The following PRUNE2 variants were observed in gnomAD, a reference collection of about 807,000 sequenced individuals.
PRUNE2 encodes protein prune homolog 2.
In PRUNE2, 164 loss-of-function variants were observed where a neutral mutation model predicts 252.0. That is an observed-to-expected ratio of 0.65 (90% CI 0.57 to 0.74). The LOEUF (loss-of-function observed/expected upper bound fraction) is 0.74, where lower values mean the gene tolerates loss of function less well. Among genes scored for constraint, PRUNE2 ranks in the 30% least tolerant of loss-of-function variants. The pLI is 0.00. For synonymous variants in PRUNE2, 1,292 were observed against 1,350.2 expected, an observed-to-expected ratio of 0.96 and a Z score of 0.94; for missense variants, 3,495 against 3,711.0, an observed-to-expected ratio of 0.94 and a Z score of 1.51.
chr9:76,866,307 A>C (rs2060836044), intron 1 of PRUNE2, among the ~76,000 whole-genome samples: 1 of 152,276 alleles, frequency 6.6e-6, no homozygotes, highest in Non-Finnish European at 1.5e-5. Context: ...TGATTTCAAG[A>C]CAAAAACTAT....
intron 9 of PRUNE2, among the ~76,000 whole-genome samples, chr9:76,679,342 A>G (rs2043171707): frequency 6.6e-6 from 1 of 152,204 alleles, no homozygotes; most frequent in African/African-American, 2.4e-5. Context: ...TTTTGAAAAA[A>G]TAGGAAAATC....
intron 12 of PRUNE2, among the ~76,000 whole-genome samples, chr9:76,640,701 A>C (rs1842217369): frequency 6.6e-6 from 1 of 152,200 alleles, no homozygotes; most frequent in Non-Finnish European, 1.5e-5. Context: ...TTCATTTCTG[A>C]AGATGCATAA....
chr9:76,794,342 C>G (rs904062193), intron 6 of PRUNE2, among the ~76,000 whole-genome samples: 2 of 152,142 alleles, frequency 1.3e-5, no homozygotes, highest in Admixed American at 1.3e-4. Flanking sequence ...TCCGAGCGAG[C>G]GCGGTCGCTC....
Position 76,654,283 on chromosome 9 carries a change from C to T in PRUNE2, c.8356+1140G>A, listed in dbSNP as rs1462751556. 7.9e-5 allele frequency among the ~76,000 whole-genome samples: 12 copies of T among 152,348 alleles called. No homozygotes were observed. The East Asian group carries it at 1.9e-3, about 24-fold the overall frequency. ...TGGCATACCCTTCAACTCTGGAATT[C>T]TGGCTCTGGCCTTGTCCTGGAGAAA... On this transcript the variant is annotated intron_variant, in intron 10 of 18. Transcript: ENST00000376718.
At position 76,658,635 on chromosome 9, in the gene PRUNE2, T is replaced by C. The variant is rs1047108752; in HGVS notation, c.8277-3133A>G. ...CAAACCAGTCCAGTGTAAAGGTCTG[T>C]ATTTTACTTTATCTATCTGTAGCCT... On this transcript the variant is annotated intron_variant, in intron 9 of 18. Transcript: ENST00000376718. Among the ~76,000 whole-genome samples, 68 of 152,246 alleles carry C rather than the reference T, an allele frequency of 4.5e-4. 1 individual carries two copies. Among genetic ancestry groups the C allele is most frequent in the Admixed American group, 2.8e-3 (43 of 15,288 alleles).
rs12238013 is a variant in PRUNE2, at chr9:76,709,523, A to G, written c.2751T>C (p.Asp917=). The change falls in exon 8 of 19, where the codon GAT becomes GAC. Residue 917 remains aspartate, a synonymous_variant. Coordinates refer to ENST00000376718, the MANE Select transcript of PRUNE2 (RefSeq NM_015225.3). ...TATTCTCCTCAAAAAGGTTCCAGGAATCTACCTTTTCATATACCTTGCCCC... is the reference window on the plus strand; with the variant it reads ...TATTCTCCTCAAAAAGGTTCCAGGAGTCTACCTTTTCATATACCTTGCCCC... ...KTRGKVYEKV[D]SWNLFEENMK... 0.16 allele frequency: 254,474 copies of G among 1,613,570 alleles called. 23,954 individuals carry two copies. The highest frequency in any genetic ancestry group is 0.49 in the East Asian group (22,067 of 44,854).
At chr9:76,852,650 G>T (rs1305384461) in intron 2 of PRUNE2, among the ~76,000 whole-genome samples, 1 of 152,182 alleles carries the variant, frequency 6.6e-6, no homozygotes, top group African/African-American at 2.4e-5. Flanking sequence ...CTAGCAGGGG[G>T]CCCAGTAAAC....
At chr9:76,712,385 C>A (rs2046804039) in intron 7 of PRUNE2, among the ~76,000 whole-genome samples, 2 of 147,824 alleles carry the variant, frequency 1.4e-5, no homozygotes, top group South Asian at 4.2e-4. Context: ...CTGACTCGGC[C>A]AGTGGTGTGA....
chr9:76,731,368 G>C (rs1355811681), intron 6 of PRUNE2, among the ~76,000 whole-genome samples: 1 of 146,716 alleles, frequency 6.8e-6, no homozygotes, highest in African/African-American at 2.5e-5. Context: ...TGTCACCCAG[G>C]CTGGAGTGCA....
At chr9:76,724,319 A>C in intron 6 of PRUNE2, among the ~76,000 whole-genome samples, 1 of 146,940 alleles carries the variant, frequency 6.8e-6, no homozygotes, top group Admixed American at 6.7e-5. Flanking sequence ...AAAAAAAAAA[A>C]AAAAAATAGC....
intron 6 of PRUNE2, among the ~76,000 whole-genome samples, chr9:76,716,090 G>A (rs750706857): frequency 4.6e-5 from 7 of 151,916 alleles, no homozygotes; most frequent in Admixed American, 4.6e-4. Flanking sequence ...ACTCCTGGCC[G>A]GGTCACTGAA....
chr9:76,832,957 C>T lies in PRUNE2; in HGVS notation c.509-6225G>A, dbSNP rs138976644. On this transcript the variant is annotated intron_variant, in intron 4 of 18. Transcript: ENST00000376718. Reference sequence around the variant, plus strand: ...GACACCACTAGGAAAATTCAACTTGCCAAAATTGGCAGAAAAAGAAATAAA... The same window carrying T: ...GACACCACTAGGAAAATTCAACTTGTCAAAATTGGCAGAAAAAGAAATAAA... Among the ~76,000 whole-genome samples, 759 of 151,994 alleles carry T rather than the reference C, an allele frequency of 5.0e-3. 4 individuals carry two copies. The highest frequency in any genetic ancestry group is 0.016 in the African/African-American group (653 of 41,494).
At chr9:76,749,024 T>C (rs1044577357) in intron 6 of PRUNE2, among the ~76,000 whole-genome samples, 3 of 152,114 alleles carry the variant, frequency 2.0e-5, no homozygotes, top group Admixed American at 2.0e-4. Flanking sequence ...CAAGGGACAT[T>C]CTAGGCACCT....
intron 6 of PRUNE2, among the ~76,000 whole-genome samples, chr9:76,792,359 C>T (rs965918057): frequency 6.6e-6 from 1 of 152,160 alleles, no homozygotes; most frequent in Non-Finnish European, 1.5e-5. Flanking sequence ...AACTGTGAGT[C>T]CATTAAACCT....
chr9:76,751,366 A>G (rs1182077744), intron 6 of PRUNE2, among the ~76,000 whole-genome samples: 1 of 152,224 alleles, frequency 6.6e-6, no homozygotes, highest in African/African-American at 2.4e-5. Context: ...AAAGGCCTGG[A>G]ATTAAAAGCA....
chr9:76,703,080 T>C (rs1474650743), intron 9 of PRUNE2, among the ~76,000 whole-genome samples: 1 of 146,716 alleles, frequency 6.8e-6, no homozygotes, highest in Non-Finnish European at 1.5e-5. Context: ...GGTATTCAAG[T>C]AGGTGGGGTG....
chr9:76,879,201 G>A lies in PRUNE2; in HGVS notation c.37-24993C>T, dbSNP rs145209709. ...GTTCACTGTAAATCTCCACGTGTAT[G>A]TGGTCTGTATGAGAGAGACAGAGAA... On this transcript the variant is annotated intron_variant, in intron 1 of 18. Transcript: ENST00000376718. Among the ~76,000 whole-genome samples the A allele has an allele frequency of 9.8e-5, 15 of 152,344 alleles. No individual in the cohort carries two copies. The East Asian group carries it at 2.5e-3, about 25-fold the overall frequency.
At chr9:76,625,052 A>G in intron 16 of PRUNE2, 1 of 1,303,314 alleles carries the variant, frequency 7.7e-7, no homozygotes, top group Non-Finnish European at 1.0e-6. Flanking sequence ...ATCTCTCTTC[A>G]TCGTACCTTA....
chr9:76,822,026 C>G (rs915208349), intron 6 of PRUNE2, among the ~76,000 whole-genome samples: 1 of 152,070 alleles, frequency 6.6e-6, no homozygotes, highest in Non-Finnish European at 1.5e-5. Context: ...GAGAGGGGAA[C>G]AGAGAAAGAA....
Sources: allele counts gnomAD v4.1 joint callset (sites outside exome capture counted in the v4.1 genomes callset), GRCh38; gene constraint gnomAD v4.1.1; transcripts MANE v1.5; gene names NCBI Gene and HGNC (gene_info 2026-07-23, HGNC 2026-07-21).